Variants in CDKN2C observed in about 807,000 individuals in gnomAD.
The protein encoded by CDKN2C is cyclin dependent kinase inhibitor 2C.
CDKN2C carries 5 observed loss-of-function variants against 11.0 expected under a neutral mutation model. That is an observed-to-expected ratio of 0.45 (90% CI 0.24 to 0.95). The LOEUF (loss-of-function observed/expected upper bound fraction) is 0.95, where lower values mean the gene tolerates loss of function less well. Among genes scored for constraint, CDKN2C ranks in the 40% least tolerant of loss-of-function variants. The pLI is 0.21. For synonymous variants in CDKN2C, 79 were observed against 88.3 expected (o/e 0.89, Z 0.59); for missense variants, 161 against 211.9 (o/e 0.76, Z 1.49).
At chr1:50,963,167 A>G (rs959989156) in intron 1 of CDKN2C, among the ~76,000 whole-genome samples, 1 of 152,202 alleles carries the variant, frequency 6.6e-6, no homozygotes, top group Non-Finnish European at 1.5e-5. Flanking sequence ...TACTGCTTTT[A>G]CTATCTTTAC....
chr1:50,974,198 G>T lies in CDKN2C; in HGVS notation c.435G>T (p.Arg145Ser), dbSNP rs768777034. 1.2e-6 allele frequency: 2 copies of T among 1,610,418 alleles called. No individual in the cohort carries two copies. The highest frequency in any genetic ancestry group is 1.1e-5 in the South Asian group (1 of 90,892). The change falls in exon 2 of 2, where the codon AGG (arginine) becomes AGT (serine). Residue 145 changes from arginine (R) to serine (S), a missense_variant. Transcript: ENST00000371761. Reference sequence around the variant, plus strand: ...GGGACACCGCCTGTGATTTGGCCAGGCTCTATGGGAGGAATGAGGTTGTTA... The same window carrying T: ...GGGACACCGCCTGTGATTTGGCCAGTCTCTATGGGAGGAATGAGGTTGTTA... ...HKGDTACDLA[R>S]LYGRNEVVSL... is the part of the protein sequence containing the mutation.
chr1:50,972,268 G>A (rs554636426), intron 1 of CDKN2C, among the ~76,000 whole-genome samples: 1 of 152,104 alleles, frequency 6.6e-6, no homozygotes, highest in East Asian at 1.9e-4. Flanking sequence ...TAACCAAAAA[G>A]TATGTTTCAT....
rs1645372506 is a variant in CDKN2C, at chr1:50,970,273, T to C, written c.-96T>C. 1.4e-6 allele frequency: 2 copies of C among 1,472,808 alleles called. No individual in the cohort carries two copies. Among genetic ancestry groups the C allele is most frequent in the Non-Finnish European group, 1.9e-6 (2 of 1,069,328 alleles). 91.2% of individuals were successfully genotyped at this position (1,472,808 alleles called of 1,614,324 possible). On this transcript the variant is annotated 5_prime_UTR_variant, in exon 1 of 2. Coordinates refer to ENST00000371761, the MANE Select transcript of CDKN2C (RefSeq NM_078626.3). ...TTAACCATCCCAGTCCTTCTGTCAG[T>C]CTCCGATGCCATCATGCAGCCTGGT... is the stretch of plus-strand genomic sequence containing the variant.
upstream of CDKN2C, among the ~76,000 whole-genome samples, chr1:50,965,937 A>G (rs1645345060): frequency 6.6e-6 from 1 of 152,178 alleles, no homozygotes; most frequent in Admixed American, 6.5e-5. Context: ...CCACATACAC[A>G]TTTCCAAAAG....
At chr1:50,972,925 C>T (rs770935566) in intron 1 of CDKN2C, among the ~76,000 whole-genome samples, 10 of 152,110 alleles carry the variant, frequency 6.6e-5, no homozygotes, top group Non-Finnish European at 1.0e-4. Context: ...CAAGGCTGTC[C>T]GTGTCCCAAA....
At chr1:50,966,628 T>C (rs1318714316), upstream of CDKN2C, among the ~76,000 whole-genome samples, 1 of 152,022 alleles carries the variant, frequency 6.6e-6, no homozygotes, top group East Asian at 1.9e-4. Flanking sequence ...TACTGTGTAA[T>C]ACTTATGTAT....
At chr1:50,970,600 C>G (rs1355000883) in intron 1 of CDKN2C, 103 bp downstream of exon 1, 3 of 1,381,448 alleles carry the variant, frequency 2.2e-6, no homozygotes, top group South Asian at 1.2e-5. Context: ...TAAAATTTCA[C>G]TGTTTTTAAA....
chr1:50,961,010 C>CTT (rs1251115615), intron 1 of CDKN2C, among the ~76,000 whole-genome samples: 1 of 114,350 alleles, frequency 8.7e-6, no homozygotes, highest in Non-Finnish European at 1.8e-5. Flanking sequence ...TATAGTCAGT[C>CTT]TATTTTTATT....
At chr1:50,970,829 A>G (rs947469086) in intron 1 of CDKN2C, among the ~76,000 whole-genome samples, 1 of 152,202 alleles carries the variant, frequency 6.6e-6, no homozygotes, top group Non-Finnish European at 1.5e-5. Flanking sequence ...ACAGCTCTGT[A>G]AACACATTAT....
At chr1:50,963,649 T>C (rs576883409) in intron 1 of CDKN2C, among the ~76,000 whole-genome samples, 1 of 152,246 alleles carries the variant, frequency 6.6e-6, no homozygotes, top group South Asian at 2.1e-4. Flanking sequence ...TAACTCTTCA[T>C]GGTTGGATAC....
At chr1:50,961,980 C>G (rs190143121) in intron 1 of CDKN2C, among the ~76,000 whole-genome samples, 2 of 152,366 alleles carry the variant, frequency 1.3e-5, no homozygotes, top group Non-Finnish European at 1.5e-5. Flanking sequence ...AATAGGCTGG[C>G]CTACAGTTCT....
chr1:50,972,429 T>G (rs1312007838), intron 1 of CDKN2C, among the ~76,000 whole-genome samples: 1 of 152,108 alleles, frequency 6.6e-6, no homozygotes, highest in African/African-American at 2.4e-5. Flanking sequence ...TAAATATATT[T>G]TGTTATTTAA....
At chr1:50,968,191 G>GC (rs34347728), upstream of CDKN2C, 152,825 of 152,830 alleles carry the variant, frequency 1, 76,410 homozygotes, top group Middle Eastern at 1. Context: ...GAGCGCGCGC[G>GC]CCTAGAGGAG....
At chr1:50,969,942 G>C (rs1311884700), upstream of CDKN2C, 1 of 244,088 alleles carries the variant, frequency 4.1e-6, no homozygotes, top group Admixed American at 5.1e-5. The surrounding 1 kb of genome is among the most constrained non-coding windows in gnomAD (Gnocchi z 6.6). Flanking sequence ...CTTTCCTTCC[G>C]CGGTATTTTC....
chr1:50,968,675 C>G (rs1353980805), upstream of CDKN2C: 1 of 152,194 alleles, frequency 6.6e-6, no homozygotes, highest in Non-Finnish European at 1.5e-5. Flanking sequence ...CCCGGCCTTC[C>G]CGCTCCCGCG....
chr1:50,965,769 G>GA (rs1007453116), upstream of CDKN2C, among the ~76,000 whole-genome samples: 2 of 151,816 alleles, frequency 1.3e-5, no homozygotes, highest in African/African-American at 2.4e-5. Context: ...GTACCTATAT[G>GA]AAAAAAACCA....
At chr1:50,961,154 G>C (rs1645319604) in intron 1 of CDKN2C, among the ~76,000 whole-genome samples, 1 of 152,130 alleles carries the variant, frequency 6.6e-6, no homozygotes. Context: ...TCCTGCCTCA[G>C]CCTCCATAGT....
At position 50,970,413 on chromosome 1, in the gene CDKN2C, G is replaced by A; in HGVS notation, c.45G>A (p.Arg15=). 6.2e-7 allele frequency: 1 copy of A among 1,614,126 alleles called. No individual in the cohort carries two copies. Among genetic ancestry groups the A allele is most frequent in the Non-Finnish European group, 8.5e-7 (1 of 1,180,006 alleles). ...WGNELASAAA[R]GDLEQLTSLL... ...ACGAGTTGGCGTCCGCAGCTGCCAG[G>A]GGGGACCTAGAGCAACTTACTAGTT... is the stretch of plus-strand genomic sequence containing the variant. The change falls in exon 1 of 2, where the codon AGG becomes AGA. Residue 15 remains arginine (R), a synonymous_variant. Coordinates refer to ENST00000371761, the MANE Select transcript of CDKN2C (RefSeq NM_078626.3).
intron 1 of CDKN2C, among the ~76,000 whole-genome samples, chr1:50,965,020 T>G (rs1009334876): frequency 1.3e-5 from 2 of 151,786 alleles, no homozygotes; most frequent in Non-Finnish European, 2.9e-5. Context: ...GCCACTGCAC[T>G]CTGCCTGGGC....
Sources: allele counts gnomAD v4.1 joint callset (sites outside exome capture counted in the v4.1 genomes callset), GRCh38; gene constraint gnomAD v4.1.1; non-coding constraint Gnocchi (gnomAD v3.1); transcripts MANE v1.5; gene names NCBI Gene and HGNC (gene_info 2026-07-23, HGNC 2026-07-21).